ST7: variants seen among roughly 807,000 people sequenced by gnomAD.
ST7 encodes suppression of tumorigenicity 7.
A neutral mutation model predicts 78.7 loss-of-function variants in ST7; 28 were observed. The observed-to-expected ratio is 0.36, with a 90% CI of 0.26 to 0.49. ST7 has a LOEUF of 0.49. Among genes scored for constraint, ST7 ranks in the 20% least tolerant of loss-of-function variants. ST7 has a pLI of 0.99. For synonymous variants in ST7, 247 were observed against 249.6 expected (o/e 0.99, Z 0.10); for missense variants, 418 against 696.0 (o/e 0.60, Z 4.49).
rs190356702 is a variant in ST7 at position 117,034,444 on chromosome 7, T to C, written c.152-65318T>C. Among the ~76,000 whole-genome samples the C allele has an allele frequency of 3.5e-4, 53 of 152,298 alleles. No individual in the cohort carries two copies. In the East Asian group the frequency reaches 9.8e-3, roughly 28 times the overall value. On this transcript the variant is annotated intron_variant, in intron 1 of 15. Transcript: ENST00000323984. ...AAGTTATTTAAAGACAGAACATCAGTGGTTCTAGGTTTTATGCTCACCTCA... is the reference window on the plus strand; with the variant it reads ...AAGTTATTTAAAGACAGAACATCAGCGGTTCTAGGTTTTATGCTCACCTCA...
At chr7:117,133,161 A>T (rs1358878515) in intron 6 of ST7, among the ~76,000 whole-genome samples, 1 of 151,874 alleles carries the variant, frequency 6.6e-6, no homozygotes, top group East Asian at 1.9e-4. Flanking sequence ...AATCCATTAG[A>T]ATATCTTTCC....
intron 3 of ST7, among the ~76,000 whole-genome samples, chr7:117,126,556 C>T (rs1803866101): frequency 2.0e-5 from 3 of 151,586 alleles, no homozygotes; most frequent in Non-Finnish European, 4.4e-5. Flanking sequence ...TTTTTTGTAA[C>T]CCATGGCCTA....
intron 9 of ST7, among the ~76,000 whole-genome samples, chr7:117,141,535 A>C (rs1489066870): frequency 6.6e-6 from 1 of 152,124 alleles, no homozygotes; most frequent in East Asian, 1.9e-4. Context: ...GATGTTTTTC[A>C]AAAAAACTCA....
At chr7:117,063,976 AT>A (rs1333823410) in intron 1 of ST7, among the ~76,000 whole-genome samples, 1 of 152,180 alleles carries the variant, frequency 6.6e-6, no homozygotes, top group Non-Finnish European at 1.5e-5. Context: ...AGAACATTAA[AT>A]TTCTATTTAG....
At chr7:117,019,873 GATA>G (rs1371321635) in intron 1 of ST7, among the ~76,000 whole-genome samples, 1 of 152,202 alleles carries the variant, frequency 6.6e-6, no homozygotes, top group Non-Finnish European at 1.5e-5. Flanking sequence ...TCTAAAGACA[GATA>G]ATGTTTCTCA....
intron 12 of ST7, among the ~76,000 whole-genome samples, chr7:117,198,095 G>A (rs972172802): frequency 1.3e-5 from 2 of 152,182 alleles, no homozygotes; most frequent in Non-Finnish European, 2.9e-5. Flanking sequence ...AATGACTCCC[G>A]TTACTTCCTG....
intron 10 of ST7, among the ~76,000 whole-genome samples, chr7:117,172,779 A>G (rs1808094600): frequency 6.6e-6 from 1 of 152,206 alleles, no homozygotes; most frequent in African/African-American, 2.4e-5. Flanking sequence ...TGCCATAGCA[A>G]TCCTTAATGC....
At chr7:117,211,635 A>T (rs1012740168) in intron 13 of ST7, among the ~76,000 whole-genome samples, 2 of 152,130 alleles carry the variant, frequency 1.3e-5, no homozygotes, top group Admixed American at 6.5e-5. Context: ...GGACCCAAAA[A>T]AGGGGTGGGG....
At chr7:117,047,034 A>G (rs571347103) in intron 1 of ST7, among the ~76,000 whole-genome samples, 7 of 152,350 alleles carry the variant, frequency 4.6e-5, no homozygotes, top group Non-Finnish European at 8.8e-5. Flanking sequence ...GTAAATATAT[A>G]TAATTACAGC....
At chr7:117,040,619 G>T (rs1305266796) in intron 1 of ST7, among the ~76,000 whole-genome samples, 2 of 152,156 alleles carry the variant, frequency 1.3e-5, no homozygotes, top group Non-Finnish European at 2.9e-5. Flanking sequence ...GATGGTCATG[G>T]GTAAAGCTTT....
intron 1 of ST7, among the ~76,000 whole-genome samples, chr7:117,079,874 C>T (rs1006394774): frequency 6.8e-6 from 1 of 146,774 alleles, no homozygotes; most frequent in South Asian, 2.2e-4. Flanking sequence ...ACCACTAGTA[C>T]ATAGAGTAGA....
chr7:116,995,124 C>T (rs1311985818), intron 1 of ST7, among the ~76,000 whole-genome samples: 1 of 152,152 alleles, frequency 6.6e-6, no homozygotes, highest in African/African-American at 2.4e-5. Flanking sequence ...TCAAAATCTT[C>T]TGAGTGCAGT....
chr7:117,047,809 A>G (rs1317061399), intron 1 of ST7, among the ~76,000 whole-genome samples: 1 of 152,178 alleles, frequency 6.6e-6, no homozygotes. Flanking sequence ...GAAGTAAACA[A>G]TGACTTCAGA....
chr7:117,181,791 G>A (rs117219394), intron 10 of ST7, among the ~76,000 whole-genome samples: 2 of 152,250 alleles, frequency 1.3e-5, no homozygotes, highest in East Asian at 3.9e-4. Context: ...AGATGAGATA[G>A]TGGATATGAA....
intron 15 of ST7, among the ~76,000 whole-genome samples, chr7:117,225,226 T>C (rs1317184788): frequency 1.3e-5 from 2 of 152,156 alleles, no homozygotes; most frequent in African/African-American, 2.4e-5. Flanking sequence ...AGGACTCAAC[T>C]CGCCTCATTT....
At chr7:116,980,898 A>G (rs1793929830) in intron 1 of ST7, among the ~76,000 whole-genome samples, 2 of 152,232 alleles carry the variant, frequency 1.3e-5, no homozygotes, top group Admixed American at 1.3e-4. Context: ...GATTCTATGC[A>G]AGTTTTGCCA....
At chr7:117,127,500 T>G (rs78125158) in intron 3 of ST7, among the ~76,000 whole-genome samples, 4,324 of 151,996 alleles carry the variant, frequency 0.028, 207 homozygotes, top group African/African-American at 0.098. Flanking sequence ...TTTCTTAAAA[T>G]AAAAATATAC....
intron 9 of ST7, among the ~76,000 whole-genome samples, chr7:117,160,459 A>G (rs1235841367): frequency 6.6e-6 from 1 of 151,900 alleles, no homozygotes; most frequent in Non-Finnish European, 1.5e-5. Context: ...TTCCCTGGGT[A>G]TCAACCCAGA....
At chr7:117,183,871 A>G (rs1808996165) in intron 10 of ST7, among the ~76,000 whole-genome samples, 1 of 152,260 alleles carries the variant, frequency 6.6e-6, no homozygotes, top group Non-Finnish European at 1.5e-5. Context: ...TCAAGAGGAT[A>G]GATAAACATG....
Sources: gnomAD v4.1 joint callset for allele counts (sites outside exome capture counted in the v4.1 genomes callset) on GRCh38, gnomAD v4.1.1 for gene constraint, MANE v1.5 for transcripts, NCBI Gene and HGNC (gene_info 2026-07-23, HGNC 2026-07-21) for gene names.